IFT81: variants seen among roughly 807,000 people sequenced by gnomAD.
The protein encoded by IFT81 is intraflagellar transport protein 81 homolog.
Under a neutral mutation model 102.6 loss-of-function variants are expected in IFT81, and 72 were observed. The observed-to-expected ratio is 0.70, with a 90% CI of 0.58 to 0.85. The LOEUF (loss-of-function observed/expected upper bound fraction) is 0.85. IFT81 is among the 40% of genes least tolerant of loss of function. The pLI is 0.00. For synonymous variants in IFT81, 237 were observed against 242.7 expected (o/e 0.98, Z 0.22); for missense variants, 723 against 787.3 (o/e 0.92, Z 0.98).
chr12:110,165,660 A>T (rs1276530274), intron 11 of IFT81, among the ~76,000 whole-genome samples: 1 of 152,138 alleles, frequency 6.6e-6, no homozygotes, highest in Non-Finnish European at 1.5e-5. Flanking sequence ...TGTTGTTACC[A>T]TTTCCCTGTC....
At position 110,205,662 on chromosome 12, in the gene IFT81, A is replaced by G. The variant is rs1238687044; in HGVS notation, c.1784A>G (p.Glu595Gly). 8 of 1,588,412 alleles carry G rather than the reference A, an allele frequency of 5.0e-6. No homozygotes were observed. The highest frequency in any genetic ancestry group is 2.3e-5 in the East Asian group (1 of 44,170). ...GCATATATCTCTTCTGATCAACAAG[A>G]AAAAAGAAAGGCAATTAGGCAAGTG... Reference protein sequence around the residue: ...MKAYISSDQQEKRKAIREQYT... With the variant: ...MKAYISSDQQGKRKAIREQYT... The change falls in exon 17 of 19, where the codon GAA becomes GGA. Residue 595 changes from glutamate (E) to glycine (G), a missense_variant. Glu to Gly is a moderately conservative substitution (Grantham distance 98). Transcript: ENST00000242591.
chr12:110,205,313 T>C (rs1420789426), intron 15 of IFT81, 130 bp from the exon 16 acceptor site: 4 of 980,346 alleles, frequency 4.1e-6, no homozygotes, highest in Admixed American at 3.3e-5. Flanking sequence ...TGTGCTAGAA[T>C]AAACAAAGTT....
Position 110,143,674 on chromosome 12 carries a change from T to C in IFT81, c.945+129T>C. Reference sequence around the variant, plus strand: ...TTAACCTGTGCTAAGAGTTGACAACTCTTATGAGGAATTGTCCTTTATGAG... The same window carrying C: ...TTAACCTGTGCTAAGAGTTGACAACCCTTATGAGGAATTGTCCTTTATGAG... On this transcript the variant is annotated intron_variant, in intron 9 of 18. Transcript: ENST00000242591. 2 of 638,536 alleles carry C rather than the reference T, an allele frequency of 3.1e-6. 1 individual carries two copies. The highest frequency in any genetic ancestry group is 5.1e-6 in the Non-Finnish European group (2 of 389,110). The allele number at this position is 638,536 out of a possible 1,614,324, so 39.6% of individuals were successfully genotyped here.
At chr12:110,214,230 A>G (rs1869811170) in intron 18 of IFT81, among the ~76,000 whole-genome samples, 1 of 151,742 alleles carries the variant, frequency 6.6e-6, no homozygotes, top group African/African-American at 2.4e-5. Flanking sequence ...TTAACTAGAG[A>G]TTTTTGGATT....
chr12:110,190,801 G>T, intron 12 of IFT81, 119 bp from the exon 13 acceptor site: 2 of 858,990 alleles, frequency 2.3e-6, no homozygotes, highest in Admixed American at 3.8e-5. Flanking sequence ...TTGTCCTTTA[G>T]GATTCTAAAC....
chr12:110,199,256 A>G lies in IFT81; in HGVS notation c.1558-4608A>G, dbSNP rs543912243. On this transcript the variant is annotated intron_variant, in intron 14 of 18. Transcript: ENST00000242591. ...ATCTTCTGATTCTCACTCCTAATGA[A>G]TTGATTTTTCCCTTACATGTTTTAT... Among the ~76,000 whole-genome samples the G allele has an allele frequency of 2.3e-3, 356 of 152,156 alleles. 3 individuals carry two copies. The highest frequency in any genetic ancestry group is 8.2e-3 in the African/African-American group (341 of 41,520).
chr12:110,132,582 TA>T lies in IFT81; in HGVS notation c.468del (p.Glu157AsnfsTer15). 6.3e-7 allele frequency: 1 copy of T among 1,579,514 alleles called. No homozygotes were observed. Among genetic ancestry groups the T allele is most frequent in the Non-Finnish European group, 8.7e-7 (1 of 1,154,236 alleles). On this transcript the variant is annotated frameshift_variant, in exon 5 of 19. Coordinates refer to ENST00000242591, the MANE Select transcript of IFT81 (RefSeq NM_014055.4). LOFTEE classifies it high-confidence loss of function. ...TAATGGAAGCCTTTAAAACTTTGCA[TA>T]AAGAATATGAGCAGCTCAAGATATC... ...ELMEAFKTLH[K>X]EYEQLKISGF...
chr12:110,156,600 A>T (rs1895851992), intron 10 of IFT81, among the ~76,000 whole-genome samples: 1 of 151,774 alleles, frequency 6.6e-6, no homozygotes, highest in Non-Finnish European at 1.5e-5. Context: ...GGGTTCAAGC[A>T]GTTCTCCTGC....
chr12:110,143,869 A>G (rs1398055309), intron 9 of IFT81, among the ~76,000 whole-genome samples: 1 of 152,166 alleles, frequency 6.6e-6, no homozygotes, highest in Non-Finnish European at 1.5e-5. Flanking sequence ...AAATATTTTA[A>G]TTGTCATTAA....
intron 4 of IFT81, 75 bp downstream of exon 4, chr12:110,129,205 T>C: frequency 8.8e-7 from 1 of 1,138,090 alleles, no homozygotes; most frequent in Non-Finnish European, 1.2e-6. Context: ...ATGTTACTCT[T>C]TTTTTATTTG....
rs768153790 is a variant in IFT81, at chr12:110,190,997, G to A, written c.1416G>A (p.Lys472=). 4 of 1,610,314 alleles carry A rather than the reference G, an allele frequency of 2.5e-6. No homozygotes were observed. Among genetic ancestry groups the A allele is most frequent in the Non-Finnish European group, 3.4e-6 (4 of 1,178,416 alleles). The change falls in exon 13 of 19, where the codon AAG becomes AAA. Residue 472 remains lysine (K), a synonymous_variant. Transcript: ENST00000242591. ...AGCTAGAAAGAGTATCTGCACTGAA[G>A]AGTGAAGTTGATGAAATGAAAGGAC... ...QEELERVSAL[K]SEVDEMKGRT...
rs908528746 is a variant in IFT81, at chr12:110,192,364, A to G, written c.1468-253A>G. ...GGCAATTTTTTAATATATTTATTCA[A>G]TGTTAAATTATAAAGATTTTCCCGT... On this transcript the variant is annotated intron_variant, in intron 13 of 18. Coordinates refer to ENST00000242591, the MANE Select transcript of IFT81 (RefSeq NM_014055.4). Among the ~76,000 whole-genome samples the G allele has an allele frequency of 2.0e-5, 3 of 152,152 alleles. No individual in the cohort carries two copies. In the South Asian group the frequency reaches 6.2e-4, roughly 31 times the overall value.
chr12:110,129,451 T>C (rs1894038994), intron 4 of IFT81, among the ~76,000 whole-genome samples: 1 of 152,114 alleles, frequency 6.6e-6, no homozygotes, highest in Non-Finnish European at 1.5e-5. Flanking sequence ...ATCAGTAAGG[T>C]GACTACATAG....
intron 12 of IFT81, among the ~76,000 whole-genome samples, chr12:110,188,791 T>G (rs910696290): frequency 2.0e-5 from 3 of 150,130 alleles, no homozygotes; most frequent in Admixed American, 6.6e-5. Flanking sequence ...AAATTAGGCA[T>G]AGTGGCACGC....
chr12:110,163,171 C>T (rs1475200607), intron 11 of IFT81, 106 bp downstream of exon 11: 1 of 788,378 alleles, frequency 1.3e-6, no homozygotes, highest in East Asian at 2.6e-5. Flanking sequence ...GGACGTTAAT[C>T]TTATTTTATA....
At chr12:110,168,565 A>G (rs1896564271) in intron 11 of IFT81, 1 of 404,724 alleles carries the variant, frequency 2.5e-6, no homozygotes, top group Admixed American at 6.4e-5. Context: ...TTATGCCTGG[A>G]GTATTATTTT....
chr12:110,205,740 T>C, intron 17 of IFT81, 60 bp downstream of exon 17: 3 of 1,063,628 alleles, frequency 2.8e-6, no homozygotes, highest in Non-Finnish European at 4.1e-6. Flanking sequence ...AAAAGTTTTA[T>C]AAATAAGATA....
rs779430594 is a variant in IFT81 at position 110,205,620 on chromosome 12, C to T, written c.1742C>T (p.Ala581Val). Residue 581 changes from alanine to valine, a missense_variant, in exon 17 of 19, where the codon GCT becomes GTT. Coordinates refer to ENST00000242591, the MANE Select transcript of IFT81 (RefSeq NM_014055.4). ...IKNLEVQLRR[A>V]TDEMKAYISS... ...AACCTAGAAGTTCAACTTCGTCGTG[C>T]TACTGATGAGATGAAGGCATATATC... The T allele has an allele frequency of 6.2e-7, 1 of 1,604,030 alleles. No homozygotes were observed. The highest frequency in any genetic ancestry group is 1.1e-5 in the South Asian group (1 of 87,534).
chr12:110,168,522 A>G (rs892290062), intron 11 of IFT81: 2 of 810,868 alleles, frequency 2.5e-6, no homozygotes, highest in African/African-American at 1.9e-5. Context: ...TACTACATTA[A>G]TTTTTTTAAA....
Sources: gnomAD v4.1 joint callset for allele counts (sites outside exome capture counted in the v4.1 genomes callset) on GRCh38, gnomAD v4.1.1 for gene constraint, MANE v1.5 for transcripts, NCBI Gene and HGNC (gene_info 2026-07-23, HGNC 2026-07-21) for gene names.